The following DNM2 variants were observed in gnomAD, a reference collection of about 807,000 sequenced individuals.
DNM2 encodes the protein dynamin 2.
Under a neutral mutation model 99.0 loss-of-function variants are expected in DNM2, and 15 were observed. The observed-to-expected ratio is 0.15, with a 90% CI of 0.10 to 0.23. The LOEUF (loss-of-function observed/expected upper bound fraction) is 0.23, where lower values mean the gene tolerates loss of function less well. Among genes scored for constraint, DNM2 ranks in the 10% least tolerant of loss-of-function variants. The pLI is 1.00. For synonymous variants in DNM2, 525 were observed against 481.2 expected, an observed-to-expected ratio of 1.09 and a Z score of -1.19; for missense variants, 742 against 1,189.4, an observed-to-expected ratio of 0.62 and a Z score of 5.53.
chr19:10,759,368 G>A (rs188626880), intron 1 of DNM2, among the ~76,000 whole-genome samples: 16 of 152,100 alleles, frequency 1.1e-4, no homozygotes, highest in East Asian at 9.6e-4. Context: ...AACTTTCCTC[G>A]TATTTTACCC....
rs563105168 is a variant in DNM2, at chr19:10,779,225, A to G, written c.688+2009A>G. Among the ~76,000 whole-genome samples the G allele has an allele frequency of 6.6e-5, 10 of 151,876 alleles. No homozygotes were observed. In the South Asian group the frequency reaches 1.9e-3, roughly 28 times the overall value. ...GCAAGGGTCTGTCTCAAAAAAAAAA[A>G]AAAAGAAAAATTTTTCAAGCATTTT... is the stretch of plus-strand genomic sequence containing the variant. On this transcript the variant is annotated intron_variant, in intron 5 of 20. Coordinates refer to ENST00000389253, the MANE Select transcript of DNM2 (RefSeq NM_001005361.3).
chr19:10,775,428 G>C lies in DNM2; in HGVS notation c.386-275G>C, dbSNP rs558781054. Among the ~76,000 whole-genome samples, 1 of 152,244 alleles carries C rather than the reference G, an allele frequency of 6.6e-6. No homozygotes were observed. Among genetic ancestry groups the C allele is most frequent in the South Asian group, 2.1e-4 (1 of 4,826 alleles). Reference sequence around the variant, plus strand: ...TTCTTTGGTATTGGCTGAATGGATGGGCTGAAATTTATTCAGTCATTTAGG... The same window carrying C: ...TTCTTTGGTATTGGCTGAATGGATGCGCTGAAATTTATTCAGTCATTTAGG... On this transcript the variant is annotated intron_variant, in intron 3 of 20. Coordinates refer to ENST00000389253, the MANE Select transcript of DNM2 (RefSeq NM_001005361.3). This position sits in a 1 kb window ranked among gnomAD's most constrained non-coding sequence, Gnocchi z 4.3.
At chr19:10,809,536 G>C (rs1375357111) in intron 14 of DNM2, 1 of 152,422 alleles carries the variant, frequency 6.6e-6, no homozygotes, top group Non-Finnish European at 1.5e-5. Context: ...AGTGTGGGGC[G>C]TGAGATGGGC....
In DNM2 at chr19:10,773,803, G is replaced by T. The variant is rs185063076; in HGVS notation, c.385+1175G>T. On this transcript the variant is annotated intron_variant, in intron 3 of 20. Coordinates refer to ENST00000389253, the MANE Select transcript of DNM2 (RefSeq NM_001005361.3). ...CTTTTTTGTATTTTTAGTAGAGATG[G>T]GGTTTCACCATGTTGGCCAGGCTGG... Among the ~76,000 whole-genome samples, 819 of 151,974 alleles carry T rather than the reference G, an allele frequency of 5.4e-3. 11 individuals carry two copies. The highest frequency in any genetic ancestry group is 0.032 in the South Asian group (156 of 4,814).
At position 10,796,840 on chromosome 19, in the gene DNM2, G is replaced by T. The variant is rs1277626275; in HGVS notation, c.1197-540G>T. 1.3e-5 allele frequency among the ~76,000 whole-genome samples: 2 copies of T among 152,018 alleles called. No individual in the cohort carries two copies. The highest frequency in any genetic ancestry group is 2.9e-5 in the Non-Finnish European group (2 of 68,018). On this transcript the variant is annotated intron_variant, in intron 9 of 20. Coordinates refer to ENST00000389253, the MANE Select transcript of DNM2 (RefSeq NM_001005361.3). This position sits in a 1 kb window ranked among gnomAD's most constrained non-coding sequence, Gnocchi z 5.6. ...GACGCGCCGGGCTCCCCCAACCCGC[G>T]CCAACGCCGCGGGCCTGGTTCCCAG...
chr19:10,719,730 T>C (rs2068875354), intron 1 of DNM2, among the ~76,000 whole-genome samples: 3 of 152,170 alleles, frequency 2.0e-5, no homozygotes, highest in Admixed American at 6.6e-5. Context: ...GTTGTTATCA[T>C]TGTCAAGGGA....
At chr19:10,797,654 C>T (rs1177615763) in intron 10 of DNM2, 136 bp downstream of exon 10, 3 of 1,374,648 alleles carry the variant, frequency 2.2e-6, no homozygotes, top group Non-Finnish European at 3.1e-6. Flanking sequence ...AGAGATGTCG[C>T]CACCTTGCAT....
intron 1 of DNM2, among the ~76,000 whole-genome samples, chr19:10,757,962 A>AAAAG (rs1555702452): frequency 2.3e-4 from 35 of 151,416 alleles, no homozygotes; most frequent in African/African-American, 8.3e-4. Flanking sequence ...AAAAAAAAAA[A>AAAAG]AAAGAAAAAG....
intron 1 of DNM2, among the ~76,000 whole-genome samples, chr19:10,753,003 G>A (rs1040105401): frequency 7.2e-5 from 11 of 152,108 alleles, no homozygotes; most frequent in Non-Finnish European, 1.3e-4. Flanking sequence ...GGGTACCTGT[G>A]ATCCCAGCTA....
intron 2 of DNM2, among the ~76,000 whole-genome samples, chr19:10,766,128 C>CT (rs1325139731): frequency 6.6e-6 from 1 of 152,164 alleles, no homozygotes; most frequent in Admixed American, 6.5e-5. Flanking sequence ...CCCGAAAACT[C>CT]TCCTCCCTCT....
intron 1 of DNM2, among the ~76,000 whole-genome samples, chr19:10,740,826 G>C (rs2069718756): frequency 6.6e-6 from 1 of 151,898 alleles, no homozygotes; most frequent in South Asian, 2.1e-4. Context: ...TTTCTTCTTT[G>C]ATACATAGGT....
At chr19:10,801,638 G>A (rs2072147603) in intron 11 of DNM2, among the ~76,000 whole-genome samples, 1 of 148,842 alleles carries the variant, frequency 6.7e-6, no homozygotes, top group African/African-American at 2.5e-5. Flanking sequence ...CAGGCGCAGT[G>A]GCTCATGCTT....
At chr19:10,823,152 C>T (rs2073034384) in intron 16 of DNM2, 1 of 152,042 alleles carries the variant, frequency 6.6e-6, no homozygotes, top group Non-Finnish European at 1.5e-5. Context: ...CACCTGTAAT[C>T]TCAGAACTTT....
At position 10,787,379 on chromosome 19, in the gene DNM2, G is replaced by C. The variant is rs1348200433; in HGVS notation, c.992+673G>C. Among the ~76,000 whole-genome samples the C allele has an allele frequency of 3.3e-5, 5 of 152,102 alleles. No homozygotes were observed. In the East Asian group the frequency reaches 9.7e-4, roughly 29 times the overall value. ...CCAGCTACTTGGGAGGCTGAGGCAG[G>C]AGAATGGCGTGAACCCAGGAGGTGG... On this transcript the variant is annotated intron_variant, in intron 7 of 20. Coordinates refer to ENST00000389253, the MANE Select transcript of DNM2 (RefSeq NM_001005361.3).
Position 10,825,442 on chromosome 19 carries a change from G to A in DNM2, c.2058+221G>A, listed in dbSNP as rs532167748. On this transcript the variant is annotated intron_variant, in intron 18 of 20. Coordinates refer to ENST00000389253, the MANE Select transcript of DNM2 (RefSeq NM_001005361.3). ...TCCCAGCACTTTGCGAGGCCAAGGC[G>A]GGCGGATCACGAGCTAAGGAGTTCG... Among the ~76,000 whole-genome samples, 72 of 152,290 alleles carry A rather than the reference G, an allele frequency of 4.7e-4. No individual in the cohort carries two copies. In the South Asian group the frequency reaches 0.011, roughly 23 times the overall value.
At chr19:10,778,421 G>A (rs945046346) in intron 5 of DNM2, among the ~76,000 whole-genome samples, 2 of 152,090 alleles carry the variant, frequency 1.3e-5, no homozygotes, top group Non-Finnish European at 2.9e-5. Context: ...GGAGGCTGAG[G>A]CAGGAGGATG....
At chr19:10,720,414 T>C (rs949017373) in intron 1 of DNM2, among the ~76,000 whole-genome samples, 3 of 151,950 alleles carry the variant, frequency 2.0e-5, no homozygotes, top group African/African-American at 7.2e-5. Context: ...GGTTTCACCA[T>C]GTTGGCCAGG....
chr19:10,719,933 C>T (rs1321519746), intron 1 of DNM2, among the ~76,000 whole-genome samples: 1 of 152,206 alleles, frequency 6.6e-6, no homozygotes, highest in Non-Finnish European at 1.5e-5. Context: ...CACAAATCTC[C>T]TCTTTTGCTA....
intron 12 of DNM2, among the ~76,000 whole-genome samples, chr19:10,802,915 G>A (rs569447440): frequency 1.3e-5 from 2 of 152,298 alleles, no homozygotes; most frequent in East Asian, 3.9e-4. Flanking sequence ...GGCATCACCC[G>A]CTGATTCCTT....
Sources: allele counts gnomAD v4.1 joint callset (sites outside exome capture counted in the v4.1 genomes callset), GRCh38; gene constraint gnomAD v4.1.1; non-coding constraint Gnocchi (gnomAD v3.1); transcripts MANE v1.5; gene names NCBI Gene and HGNC (gene_info 2026-07-23, HGNC 2026-07-21).